Variants in PI4KA observed in about 807,000 individuals in gnomAD.
The protein encoded by PI4KA is phosphatidylinositol 4-kinase alpha.
In PI4KA, 122 loss-of-function variants were observed where a neutral mutation model predicts 271.4. The observed-to-expected ratio is 0.45, with a 90% CI of 0.39 to 0.52. The LOEUF is 0.52. Ranked by LOEUF, PI4KA falls within the 20% of genes least tolerant of loss-of-function variation. The pLI, the probability that PI4KA is intolerant of heterozygous loss-of-function variation, is 0.00. For missense variants in PI4KA, 1,969 were observed against 2,769.1 expected (o/e 0.71, Z 6.48); for synonymous variants, 1,041 against 1,078.8 (o/e 0.96, Z 0.69).
At chr22:20,756,449 A>T (rs1397177311) in intron 23 of PI4KA, among the ~76,000 whole-genome samples, 6 of 152,000 alleles carry the variant, frequency 3.9e-5, no homozygotes, top group Non-Finnish European at 7.4e-5. Context: ...CAAACTCCTG[A>T]TCTCAAATGA....
intron 32 of PI4KA, among the ~76,000 whole-genome samples, chr22:20,737,565 G>C (rs1201881003): frequency 6.6e-6 from 1 of 152,132 alleles, no homozygotes; most frequent in Non-Finnish European, 1.5e-5. Context: ...CAATGTGAGG[G>C]CTGACACGTG....
chr22:20,789,552 A>C (rs1332288521), intron 19 of PI4KA, among the ~76,000 whole-genome samples: 2 of 152,084 alleles, frequency 1.3e-5, no homozygotes, highest in African/African-American at 2.4e-5. Flanking sequence ...CTGGTCTCGA[A>C]CTCCTGACCT....
chr22:20,785,869 C>A, intron 19 of PI4KA: 1 of 1,279,492 alleles, frequency 7.8e-7, no homozygotes, highest in Non-Finnish European at 1.1e-6. Flanking sequence ...ACTGACAGTC[C>A]CGGAATATAA....
intron 9 of PI4KA, among the ~76,000 whole-genome samples, chr22:20,808,884 T>G (rs1935835341): frequency 6.6e-6 from 1 of 151,960 alleles, no homozygotes; most frequent in Non-Finnish European, 1.5e-5. Flanking sequence ...GGTCTGCAAA[T>G]ATAGCAAATC....
Position 20,784,551 on chromosome 22 carries a change from G to A in PI4KA, c.2328+8642C>T, listed in dbSNP as rs543013760. Reference sequence around the variant, plus strand: ...CCCAGCTTCATCATCCCTAAAATGGGTATAATTCCATTACTTCCCCGGGTC... The same window carrying A: ...CCCAGCTTCATCATCCCTAAAATGGATATAATTCCATTACTTCCCCGGGTC... On this transcript the variant is annotated intron_variant, in intron 19 of 54. Coordinates refer to ENST00000255882, the MANE Select transcript of PI4KA (RefSeq NM_058004.4). 7.0e-4 allele frequency among the ~76,000 whole-genome samples: 107 copies of A among 152,196 alleles called. 1 individual carries two copies. The highest frequency in any genetic ancestry group is 1.8e-3 in the African/African-American group (76 of 41,522).
chr22:20,727,131 G>A lies in PI4KA; in HGVS notation c.4941+99C>T, dbSNP rs147453982. 4.6e-4 allele frequency: 500 copies of A among 1,084,200 alleles called. No homozygotes were observed. In the African/African-American group the frequency reaches 6.7e-3, roughly 14 times the overall value. 67.2% of individuals were successfully genotyped at this position (1,084,200 alleles called of 1,614,324 possible). A position where few individuals can be genotyped will look rare whatever the true frequency, so the allele number is the denominator to read the frequency against. On this transcript the variant is annotated intron_variant, in intron 41 of 54. Transcript: ENST00000255882. ...CAGGGAAAGGACCAGTATGTAACGG[G>A]GCGACCTCATGGCCAATGGTGGGGC...
At chr22:20,745,232 C>T (rs954015019) in intron 29 of PI4KA, among the ~76,000 whole-genome samples, 3 of 152,182 alleles carry the variant, frequency 2.0e-5, no homozygotes, top group Admixed American at 6.5e-5. Flanking sequence ...TATTTGAAAA[C>T]TACCGCCCAC....
At chr22:20,716,305 G>A (rs1264666806) in intron 45 of PI4KA, among the ~76,000 whole-genome samples, 2 of 152,326 alleles carry the variant, frequency 1.3e-5, no homozygotes, top group East Asian at 1.9e-4. Context: ...ACCTGCCTTG[G>A]CCTCCCAAAG....
chr22:20,804,891 G>C (rs1935547232), intron 11 of PI4KA, 83 bp downstream of exon 11: 2 of 1,133,866 alleles, frequency 1.8e-6, no homozygotes, highest in East Asian at 2.4e-5. Context: ...AAGTGTTCTA[G>C]AAGTAGTTTG....
chr22:20,806,636 C>G (rs1935668999), intron 10 of PI4KA, among the ~76,000 whole-genome samples: 1 of 151,888 alleles, frequency 6.6e-6, no homozygotes, highest in African/African-American at 2.4e-5. Flanking sequence ...CATGCCAATG[C>G]ACTCCAGCCT....
chr22:20,785,928 C>A, intron 19 of PI4KA: 1 of 1,595,404 alleles, frequency 6.3e-7, no homozygotes, highest in Non-Finnish European at 8.6e-7. Context: ...ACCCGTGGCC[C>A]TTTAAAGGGA....
intron 17 of PI4KA, among the ~76,000 whole-genome samples, chr22:20,796,717 T>C (rs903914686): frequency 7.9e-5 from 12 of 152,218 alleles, no homozygotes; most frequent in Admixed American, 3.9e-4. Flanking sequence ...CCTTAAAGCA[T>C]CATTTACCAC....
At chr22:20,721,587 C>T in intron 42 of PI4KA, 169 bp from the exon 43 acceptor site, 2 of 659,564 alleles carry the variant, frequency 3.0e-6, no homozygotes, top group East Asian at 2.7e-5. Flanking sequence ...AGCCAGTGGC[C>T]AGGCCAAGTT....
At chr22:20,788,805 T>C (rs907916447) in intron 19 of PI4KA, among the ~76,000 whole-genome samples, 1 of 152,254 alleles carries the variant, frequency 6.6e-6, no homozygotes, top group African/African-American at 2.4e-5. Flanking sequence ...TCCAACCTGC[T>C]TCACCACTCT....
chr22:20,768,516 A>T, intron 19 of PI4KA, among the ~76,000 whole-genome samples: 1 of 152,266 alleles, frequency 6.6e-6, no homozygotes, highest in East Asian at 1.9e-4. Flanking sequence ...GGGAAAAAGC[A>T]GCCACATGTT....
At chr22:20,828,974 T>C (rs1450221957) in intron 3 of PI4KA, among the ~76,000 whole-genome samples, 1 of 152,234 alleles carries the variant, frequency 6.6e-6, no homozygotes, top group Non-Finnish European at 1.5e-5. Context: ...CATTAATTGA[T>C]TTGCATACAT....
chr22:20,829,631 T>C (rs373935491), intron 3 of PI4KA, among the ~76,000 whole-genome samples: 128 of 152,156 alleles, frequency 8.4e-4, no homozygotes, highest in African/African-American at 2.7e-3. Flanking sequence ...TGATCTTCTG[T>C]ATGGTTTTCA....
intron 19 of PI4KA, among the ~76,000 whole-genome samples, chr22:20,790,863 T>G (rs923395897): frequency 5.9e-5 from 9 of 152,160 alleles, no homozygotes; most frequent in Admixed American, 3.9e-4. Flanking sequence ...AAATATTTGT[T>G]TCCTCCTCCA....
At chr22:20,787,105 C>T (rs1484418926) in intron 19 of PI4KA, 2 of 1,558,750 alleles carry the variant, frequency 1.3e-6, no homozygotes, top group Non-Finnish European at 8.8e-7. Context: ...TTGGGGGCAC[C>T]CTCATTTTGT....
Sources: gnomAD v4.1 joint callset for allele counts (sites outside exome capture counted in the v4.1 genomes callset) on GRCh38, gnomAD v4.1.1 for gene constraint, MANE v1.5 for transcripts, NCBI Gene and HGNC (gene_info 2026-07-23, HGNC 2026-07-21) for gene names.